The following RPRD1A variants were observed in gnomAD, a reference collection of about 807,000 sequenced individuals.
RPRD1A encodes regulation of nuclear pre-mRNA domain containing 1A, also known as regulation of nuclear pre-mRNA domain-containing protein 1A.
Under a neutral mutation model 37.8 loss-of-function variants are expected in RPRD1A, and 9 were observed. The ratio of observed to expected loss-of-function variants is 0.24; its 90% confidence interval spans 0.14 to 0.42. The LOEUF is 0.42. Among genes scored for constraint, RPRD1A ranks in the 10% least tolerant of loss-of-function variants. The pLI is 1.00. For synonymous variants in RPRD1A, 138 were observed against 139.7 expected (o/e 0.99, Z 0.08); for missense variants, 255 against 371.0 (o/e 0.69, Z 2.57).
intron 2 of RPRD1A, among the ~76,000 whole-genome samples, chr18:36,033,031 TG>T (rs1421939087): frequency 6.6e-6 from 1 of 152,006 alleles, no homozygotes; most frequent in Non-Finnish European, 1.5e-5. Context: ...AGGCCAGACA[TG>T]GTGGCTCACG....
At chr18:36,064,244 TAGAG>T (rs1240111273) in intron 1 of RPRD1A, 2 of 152,328 alleles carry the variant, frequency 1.3e-5, no homozygotes, top group South Asian at 4.1e-4. Context: ...CAGGGAGGTG[TAGAG>T]AGAGAGGCGC....
rs1908715751 is a variant in RPRD1A at position 35,991,543 on chromosome 18, G to A, written c.*1608C>T. ...ATGGTTAGGTGGATTCAGTTCCCAG[G>A]TGAGCTATCAGCGGTAGTGTTAGGG... On this transcript the variant is annotated 3_prime_UTR_variant, in exon 7 of 7. Transcript: ENST00000399022. 6.6e-6 allele frequency: 1 copy of A among 152,156 alleles called. No homozygotes were observed. Among genetic ancestry groups the A allele is most frequent in the South Asian group, 2.1e-4 (1 of 4,830 alleles). 9.4% of individuals were successfully genotyped at this position (152,156 alleles called of 1,614,324 possible).
In RPRD1A at chr18:36,065,875, A is replaced by T. The variant is rs73426965; in HGVS notation, c.151+1379T>A. On this transcript the variant is annotated intron_variant, in intron 1 of 6. Coordinates refer to ENST00000399022, the MANE Select transcript of RPRD1A (RefSeq NM_018170.5). ...TGAAATGCCTATAAACAGTACTGCC[A>T]TTTTTTTTTTTTACTGATTTGTAAT... Among the ~76,000 whole-genome samples the T allele has an allele frequency of 3.3e-3, 479 of 145,520 alleles. 3 individuals carry two copies. The highest frequency in any genetic ancestry group is 7.2e-3 in the Middle Eastern group (2 of 278).
intron 1 of RPRD1A, among the ~76,000 whole-genome samples, chr18:36,038,589 T>G (rs1438919348): frequency 1.3e-5 from 2 of 152,228 alleles, no homozygotes; most frequent in Non-Finnish European, 1.5e-5. Context: ...ATTGGAGCTC[T>G]CACATGGGGT....
intron 1 of RPRD1A, chr18:36,052,877 T>A (rs1913501510): frequency 6.6e-6 from 1 of 152,078 alleles, no homozygotes; most frequent in Non-Finnish European, 1.5e-5. Context: ...GGATTACAGA[T>A]GTGAGCCACC....
chr18:36,004,321 A>AT (rs1909606765), intron 6 of RPRD1A, among the ~76,000 whole-genome samples: 1 of 151,862 alleles, frequency 6.6e-6, no homozygotes, highest in Non-Finnish European at 1.5e-5. Flanking sequence ...GTGGTGCAGT[A>AT]TCAGCTTACT....
At chr18:36,056,503 G>A (rs1445388237) in intron 1 of RPRD1A, among the ~76,000 whole-genome samples, 5 of 152,098 alleles carry the variant, frequency 3.3e-5, no homozygotes, top group African/African-American at 1.2e-4. Context: ...GGCTAGGCTG[G>A]TCTTGAACTC....
At chr18:36,009,913 C>T (rs1287064741) in intron 6 of RPRD1A, among the ~76,000 whole-genome samples, 1 of 152,158 alleles carries the variant, frequency 6.6e-6, no homozygotes, top group African/African-American at 2.4e-5. Context: ...CCTCTCAACC[C>T]CTGCATTTCA....
chr18:36,055,117 C>T (rs2144396149), intron 1 of RPRD1A, among the ~76,000 whole-genome samples: 1 of 152,276 alleles, frequency 6.6e-6, no homozygotes, highest in Middle Eastern at 3.4e-3. Context: ...GAAAATTAAC[C>T]ATCACAAATG....
At chr18:36,065,288 A>T (rs2089006835) in intron 1 of RPRD1A, among the ~76,000 whole-genome samples, 1 of 152,192 alleles carries the variant, frequency 6.6e-6, no homozygotes, top group Non-Finnish European at 1.5e-5. Context: ...CTTTACCCCC[A>T]TAGCATTATT....
chr18:36,058,063 T>G (rs1913916931), intron 1 of RPRD1A, among the ~76,000 whole-genome samples: 1 of 152,144 alleles, frequency 6.6e-6, no homozygotes, highest in Non-Finnish European at 1.5e-5. Context: ...GTATTTTTTG[T>G]GACAGGGTCT....
chr18:36,034,361 T>C (rs2144308363), intron 1 of RPRD1A, among the ~76,000 whole-genome samples: 1 of 152,294 alleles, frequency 6.6e-6, no homozygotes, highest in East Asian at 1.9e-4. Context: ...AGTTTAGATG[T>C]TTCTGTCTTT....
At chr18:36,053,392 T>G (rs1217573324) in intron 1 of RPRD1A, among the ~76,000 whole-genome samples, 4 of 152,216 alleles carry the variant, frequency 2.6e-5, no homozygotes, top group African/African-American at 9.7e-5. Context: ...TCTAGATATT[T>G]CATATATTAT....
intron 1 of RPRD1A, among the ~76,000 whole-genome samples, chr18:36,065,817 G>C (rs2089018470): frequency 6.6e-6 from 1 of 151,752 alleles, no homozygotes; most frequent in Admixed American, 6.6e-5. Flanking sequence ...GTAAGATTAA[G>C]TATCATTTAT....
rs117084147 is a variant in RPRD1A, at chr18:36,021,242, A to T, written c.789+5658T>A. Among the ~76,000 whole-genome samples the T allele has an allele frequency of 3.7e-3, 563 of 152,318 alleles. 2 individuals carry two copies. Among genetic ancestry groups the T allele is most frequent in the Admixed American group, 7.6e-3 (116 of 15,300 alleles). On this transcript the variant is annotated intron_variant, in intron 6 of 6. Transcript: ENST00000399022. Reference sequence around the variant, plus strand: ...CACTTTCAAGATACTGTGTTTTCTTATAAGCTGAGTTTGTGGCAACCCGGC... The same window carrying T: ...CACTTTCAAGATACTGTGTTTTCTTTTAAGCTGAGTTTGTGGCAACCCGGC...
At chr18:36,025,424 G>GA (rs1404187346) in intron 6 of RPRD1A, 1 of 327,082 alleles carries the variant, frequency 3.1e-6, no homozygotes. Context: ...GGCACTGGGG[G>GA]AAAAGGGGGT....
At chr18:35,999,075 A>G (rs1909263685) in intron 6 of RPRD1A, among the ~76,000 whole-genome samples, 3 of 146,984 alleles carry the variant, frequency 2.0e-5, no homozygotes, top group African/African-American at 5.1e-5. Flanking sequence ...CTAACTTCCT[A>G]TGATATACTA....
At chr18:36,035,037 A>C (rs1432040041) in intron 1 of RPRD1A, among the ~76,000 whole-genome samples, 1 of 152,224 alleles carries the variant, frequency 6.6e-6, no homozygotes, top group Non-Finnish European at 1.5e-5. Flanking sequence ...AAATAAGAAG[A>C]GATGGCTATA....
At chr18:36,014,052 T>A (rs1910343099) in intron 6 of RPRD1A, among the ~76,000 whole-genome samples, 1 of 152,172 alleles carries the variant, frequency 6.6e-6, no homozygotes, top group Non-Finnish European at 1.5e-5. Context: ...TGTGAGTATA[T>A]AAATATACAC....
Sources: gnomAD v4.1 joint callset for allele counts (sites outside exome capture counted in the v4.1 genomes callset) on GRCh38, gnomAD v4.1.1 for gene constraint, MANE v1.5 for transcripts, NCBI Gene and HGNC (gene_info 2026-07-23, HGNC 2026-07-21) for gene names.